The following SBNO1 variants were observed in gnomAD, a reference collection of about 807,000 sequenced individuals.
SBNO1 encodes the protein strawberry notch homolog 1.
Under a neutral mutation model 173.6 loss-of-function variants are expected in SBNO1, and 23 were observed. That is an observed-to-expected ratio of 0.13 (90% CI 0.10 to 0.19). The LOEUF is 0.19. Ranked by LOEUF, SBNO1 falls within the 10% of genes least tolerant of loss-of-function variation. SBNO1 has a pLI of 1.00. For synonymous variants in SBNO1, 632 were observed against 571.5 expected (o/e 1.11, Z -1.51); for missense variants, 1,238 against 1,671.2 (o/e 0.74, Z 4.52).
At chr12:123,326,864 T>C (rs1465553683) in intron 13 of SBNO1, among the ~76,000 whole-genome samples, 4 of 151,540 alleles carry the variant, frequency 2.6e-5, no homozygotes, top group Non-Finnish European at 5.9e-5. Flanking sequence ...GAGGTAGAGG[T>C]TGCAGTAAGC....
chr12:123,334,302 A>G lies in SBNO1; in HGVS notation c.749-89T>C, dbSNP rs1298021111. On this transcript the variant is annotated intron_variant, in intron 6 of 31. Transcript: ENST00000602398. ...TATAAGATATTTCAATGTTTTTCTT[A>G]TAACATAGAAAAATAATTAAAAAGT... 9.8e-6 allele frequency: 8 copies of G among 815,980 alleles called. No individual in the cohort carries two copies. In the East Asian group the frequency reaches 1.7e-4, roughly 18 times the overall value. 50.5% of individuals were successfully genotyped at this position (815,980 alleles called of 1,614,324 possible).
intron 10 of SBNO1, 92 bp downstream of exon 10, chr12:123,328,642 G>A (rs1306884199): frequency 1.5e-5 from 16 of 1,052,384 alleles, no homozygotes; most frequent in Middle Eastern, 2.2e-4. Context: ...CCAGCAACTC[G>A]TTTAATCTCA....
At chr12:123,330,177 C>CAA in intron 9 of SBNO1, among the ~76,000 whole-genome samples, 1 of 152,164 alleles carries the variant, frequency 6.6e-6, no homozygotes, top group East Asian at 1.9e-4. Context: ...GAGCACATCT[C>CAA]AATTTGGACT....
At chr12:123,348,437 C>A (rs1367158142) in intron 2 of SBNO1, among the ~76,000 whole-genome samples, 1 of 151,996 alleles carries the variant, frequency 6.6e-6, no homozygotes, top group African/African-American at 2.4e-5. Flanking sequence ...GCCTGTCCAA[C>A]ATGGTGAAAC....
In SBNO1 at chr12:123,364,772, G is replaced by C; in HGVS notation, c.-72C>G. ...GAGTTTGAAGGACCAGAGGCGACTG[G>C]AGCGGAGGCGGCGGTGGCGGCGGCA... On this transcript the variant is annotated 5_prime_UTR_variant, in exon 1 of 32. Transcript: ENST00000602398. The C allele has an allele frequency of 5.1e-6, 5 of 988,818 alleles. No individual in the cohort carries two copies. Among genetic ancestry groups the C allele is most frequent in the Non-Finnish European group, 6.0e-6 (5 of 832,396 alleles). 61.3% of individuals were successfully genotyped at this position (988,818 alleles called of 1,614,324 possible). A position where few individuals can be genotyped will look rare whatever the true frequency, so the allele number is the denominator to read the frequency against.
intron 18 of SBNO1, 33 bp downstream of exon 18, chr12:123,320,666 A>C (rs745838758): frequency 6.3e-7 from 1 of 1,595,492 alleles, no homozygotes; most frequent in African/African-American, 1.4e-5. Context: ...TGTTTAAAAC[A>C]GTATTTCAAA....
chr12:123,320,937 C>G, intron 17 of SBNO1, 71 bp from the exon 18 acceptor site: 1 of 1,256,320 alleles, frequency 8.0e-7, no homozygotes, highest in Non-Finnish European at 1.1e-6. Context: ...AGGAAACAAC[C>G]TTTGAAATTT....
intron 31 of SBNO1, among the ~76,000 whole-genome samples, chr12:123,296,380 G>A (rs1005359806): frequency 8.3e-6 from 1 of 120,938 alleles, no homozygotes; most frequent in African/African-American, 3.0e-5. Context: ...TGCACCAAAA[G>A]ACTACAGAAC....
At chr12:123,351,045 C>T (rs1873812618) in intron 1 of SBNO1, among the ~76,000 whole-genome samples, 1 of 152,068 alleles carries the variant, frequency 6.6e-6, no homozygotes, top group African/African-American at 2.4e-5. Flanking sequence ...ACCACTTGAA[C>T]CAAGAGGTGG....
chr12:123,344,248 T>A (rs1172250645), intron 4 of SBNO1, among the ~76,000 whole-genome samples: 1 of 152,122 alleles, frequency 6.6e-6, no homozygotes, highest in Non-Finnish European at 1.5e-5. Flanking sequence ...CAGGTCAGGG[T>A]CACAGTGCTG....
intron 29 of SBNO1, among the ~76,000 whole-genome samples, chr12:123,303,922 CTT>C (rs11413728): frequency 2.4e-3 from 237 of 100,448 alleles, no homozygotes; most frequent in South Asian, 0.013. Flanking sequence ...AATAAGTATT[CTT>C]TTTTTTTTTT....
intron 1 of SBNO1, among the ~76,000 whole-genome samples, chr12:123,360,322 G>A (rs1874997306): frequency 6.6e-6 from 1 of 152,102 alleles, no homozygotes; most frequent in South Asian, 2.1e-4. Flanking sequence ...CTCATGGAAT[G>A]TGAGGTTACT....
rs1313680603 is a variant in SBNO1 at position 123,311,691 on chromosome 12, CCTAT to C, written c.3221-566_3221-563del. On this transcript the variant is annotated intron_variant, in intron 24 of 31. Transcript: ENST00000602398. The stretch of plus-strand genomic sequence containing the variant: ...GTCATTACTTATAATAAACAAGTAA[CCTAT>C]CTATCTATCTATCTATCTATCTATC... Among the ~76,000 whole-genome samples the C allele has an allele frequency of 1.0e-3, 126 of 121,770 alleles. 1 individual carries two copies. Among genetic ancestry groups the C allele is most frequent in the African/African-American group, 2.0e-3 (61 of 30,346 alleles). The allele number at this position is 121,770 out of a possible 152,430, so 79.9% of individuals were successfully genotyped here.
intron 30 of SBNO1, among the ~76,000 whole-genome samples, chr12:123,300,669 A>G (rs2048757255): frequency 7.0e-6 from 1 of 142,772 alleles, no homozygotes; most frequent in Non-Finnish European, 1.5e-5. Context: ...AAAAAAAGAA[A>G]TGTTTGTAGG....
At chr12:123,301,018 CTT>C (rs989121156) in intron 30 of SBNO1, among the ~76,000 whole-genome samples, 1 of 142,624 alleles carries the variant, frequency 7.0e-6, no homozygotes, top group African/African-American at 2.6e-5. Context: ...ACTTTTAAAA[CTT>C]TTTTTTTTAG....
Position 123,297,146 on chromosome 12 carries a change from G to C in SBNO1, c.4039+832C>G, listed in dbSNP as rs553860569. 8.6e-5 allele frequency among the ~76,000 whole-genome samples: 13 copies of C among 150,974 alleles called. No individual in the cohort carries two copies. The East Asian group carries it at 2.6e-3, about 30-fold the overall frequency. Reference sequence around the variant, plus strand: ...AAGCTGAGGTGGGCGGATCACTTGAGGTCAGGAGTTTGAGACTAGCCTGGC... The same window carrying C: ...AAGCTGAGGTGGGCGGATCACTTGACGTCAGGAGTTTGAGACTAGCCTGGC... On this transcript the variant is annotated intron_variant, in intron 31 of 31. Coordinates refer to ENST00000602398, the MANE Select transcript of SBNO1 (RefSeq NM_001167856.3).
Position 123,330,449 on chromosome 12 carries a change from T to G in SBNO1, c.1104A>C (p.Ala368=). The change falls in exon 9 of 32, where the codon GCA becomes GCC. Residue 368 remains alanine, a synonymous_variant. Coordinates refer to ENST00000602398, the MANE Select transcript of SBNO1 (RefSeq NM_001167856.3). ...DAERDLRDIG[A]KNILVHSLNK... ...TTAACGAATGAACCAAAATGTTTTTTGCTCCAATATCCCTTAAATCTCTTT... is the reference window on the plus strand; with the variant it reads ...TTAACGAATGAACCAAAATGTTTTTGGCTCCAATATCCCTTAAATCTCTTT... The G allele has an allele frequency of 6.2e-7, 1 of 1,603,050 alleles. No homozygotes were observed. The highest frequency in any genetic ancestry group is 1.3e-5 in the African/African-American group (1 of 74,812).
At chr12:123,312,978 G>A (rs1162324892) in intron 24 of SBNO1, among the ~76,000 whole-genome samples, 2 of 151,966 alleles carry the variant, frequency 1.3e-5, no homozygotes, top group South Asian at 2.1e-4. Flanking sequence ...GCTAAAGCGG[G>A]CAGATCATGA....
At chr12:123,302,285 C>T (rs2048816219) in intron 30 of SBNO1, among the ~76,000 whole-genome samples, 1 of 148,560 alleles carries the variant, frequency 6.7e-6, no homozygotes, top group Admixed American at 6.8e-5. Flanking sequence ...CTCTGTCCCC[C>T]AGGCTGGAGT....
Sources: gnomAD v4.1 joint callset for allele counts (sites outside exome capture counted in the v4.1 genomes callset) on GRCh38, gnomAD v4.1.1 for gene constraint, MANE v1.5 for transcripts, NCBI Gene and HGNC (gene_info 2026-07-23, HGNC 2026-07-21) for gene names.